OPCML: variants seen among roughly 807,000 people sequenced by gnomAD.
OPCML encodes the protein opioid-binding protein/cell adhesion molecule.
In OPCML, 13 loss-of-function variants were observed where a neutral mutation model predicts 37.8. That is an observed-to-expected ratio of 0.34 (90% CI 0.22 to 0.55). The LOEUF (loss-of-function observed/expected upper bound fraction) is 0.55. Among genes scored for constraint, OPCML ranks in the 20% least tolerant of loss-of-function variants. OPCML has a pLI of 0.91. For missense variants in OPCML, 341 were observed against 435.6 expected (o/e 0.78, Z 1.93); for synonymous variants, 176 against 168.8 (o/e 1.04, Z -0.33).
intron 1 of OPCML, among the ~76,000 whole-genome samples, chr11:133,219,698 G>A (rs1343371823): frequency 1.3e-5 from 2 of 152,124 alleles, no homozygotes; most frequent in South Asian, 2.1e-4. Context: ...CTTGACAGAG[G>A]AGCCCAGAAT....
intron 2 of OPCML, among the ~76,000 whole-genome samples, chr11:132,821,504 T>A (rs1039538202): frequency 6.6e-6 from 1 of 152,218 alleles, no homozygotes; most frequent in Non-Finnish European, 1.5e-5. Flanking sequence ...TTTAATGTGC[T>A]CTGATTCCCT....
At chr11:133,468,037 G>A (rs944658320) in intron 1 of OPCML, among the ~76,000 whole-genome samples, 2 of 152,190 alleles carry the variant, frequency 1.3e-5, no homozygotes, top group African/African-American at 4.8e-5. Flanking sequence ...AAGACTCCTA[G>A]TACCTGGCAA....
At chr11:133,110,680 G>T (rs1211561676) in intron 1 of OPCML, among the ~76,000 whole-genome samples, 4 of 152,112 alleles carry the variant, frequency 2.6e-5, no homozygotes, top group East Asian at 1.9e-4. Context: ...TGCTGCAGGG[G>T]CCCTAGCCTC....
chr11:133,114,674 A>G (rs1207793059), intron 1 of OPCML, among the ~76,000 whole-genome samples: 1 of 151,962 alleles, frequency 6.6e-6, no homozygotes, highest in African/African-American at 2.4e-5. Context: ...CATAAGATCC[A>G]GAAAGATAGA....
At chr11:133,088,716 A>G (rs981120383) in intron 1 of OPCML, among the ~76,000 whole-genome samples, 1 of 152,222 alleles carries the variant, frequency 6.6e-6, no homozygotes, top group African/African-American at 2.4e-5. Flanking sequence ...ATAGAATTAT[A>G]CAAGATATGC....
chr11:132,439,663 C>G (rs1249689548), intron 4 of OPCML, among the ~76,000 whole-genome samples: 1 of 148,910 alleles, frequency 6.7e-6, no homozygotes, highest in Admixed American at 6.7e-5. Context: ...ACAATGGAAT[C>G]AAACACATCA....
At chr11:132,911,765 G>A (rs1323096300) in intron 2 of OPCML, among the ~76,000 whole-genome samples, 1 of 152,112 alleles carries the variant, frequency 6.6e-6, no homozygotes, top group Non-Finnish European at 1.5e-5. Flanking sequence ...TCTCCATTTA[G>A]TCCAAAAATG....
At chr11:133,323,774 G>A (rs1010464162) in intron 1 of OPCML, among the ~76,000 whole-genome samples, 6 of 152,198 alleles carry the variant, frequency 3.9e-5, no homozygotes, top group African/African-American at 1.4e-4. Context: ...GAACGGAGTG[G>A]CCACTAAGGG....
Position 133,003,155 on chromosome 11 carries a change from G to C in OPCML, c.62-60145C>G, listed in dbSNP as rs556370253. 8.1e-4 allele frequency among the ~76,000 whole-genome samples: 123 copies of C among 152,340 alleles called. 1 individual carries two copies. In the South Asian group the frequency reaches 8.9e-3, roughly 11 times the overall value. ...TTGAGAAAATGTCATCAATGGTATT[G>C]TATCAGCTTCCTGTGGCTGCTATAA... On this transcript the variant is annotated intron_variant, in intron 1 of 7. Coordinates refer to ENST00000524381, the MANE Select transcript of OPCML (RefSeq NM_001012393.5).
rs918242713 is a variant in OPCML at position 132,595,102 on chromosome 11, T to C, written c.379+61985A>G. Among the ~76,000 whole-genome samples, 5 of 152,076 alleles carry C rather than the reference T, an allele frequency of 3.3e-5. No homozygotes were observed. In the South Asian group the frequency reaches 6.2e-4, roughly 19 times the overall value. ...CAGTGAATTTTGTCTCTCTGTGAAC[T>C]GAGAGACTGTTTTTGCTGGTGATGA... On this transcript the variant is annotated intron_variant, in intron 3 of 7. Transcript: ENST00000524381.
chr11:133,247,415 T>A (rs1456503742), intron 1 of OPCML, among the ~76,000 whole-genome samples: 1 of 152,208 alleles, frequency 6.6e-6, no homozygotes, highest in Non-Finnish European at 1.5e-5. Context: ...CTCCCTGTAC[T>A]GAGTTTACAA....
chr11:132,784,638 G>C (rs1947147225), intron 2 of OPCML, among the ~76,000 whole-genome samples: 1 of 152,088 alleles, frequency 6.6e-6, no homozygotes, highest in South Asian at 2.1e-4. Context: ...TTGGACGTGG[G>C]CCTGGTGCGA....
rs564789483 is a variant in OPCML, at chr11:133,261,571, G to A, written c.61+270693C>T. Among the ~76,000 whole-genome samples, 6 of 152,224 alleles carry A rather than the reference G, an allele frequency of 3.9e-5. 1 individual carries two copies. Among genetic ancestry groups the A allele is most frequent in the African/African-American group, 1.4e-4 (6 of 41,524 alleles). ...ATGGTCTGCATCCGTCTCTACCTTT[G>A]GAAGCGCTTTCACCCTAGTCCTGTC... On this transcript the variant is annotated intron_variant, in intron 1 of 7. Coordinates refer to ENST00000524381, the MANE Select transcript of OPCML (RefSeq NM_001012393.5).
intron 1 of OPCML, among the ~76,000 whole-genome samples, chr11:133,190,729 T>C (rs1013174977): frequency 6.6e-6 from 1 of 152,230 alleles, no homozygotes; most frequent in African/African-American, 2.4e-5. Context: ...AATAAAATTA[T>C]GCAAGAAATG....
intron 4 of OPCML, among the ~76,000 whole-genome samples, chr11:132,450,785 T>C (rs1325887529): frequency 6.6e-6 from 1 of 152,192 alleles, no homozygotes; most frequent in Non-Finnish European, 1.5e-5. Context: ...CACACTAGGC[T>C]CAGGAGTGAT....
chr11:133,202,242 C>T (rs1282929058), intron 1 of OPCML, among the ~76,000 whole-genome samples: 1 of 152,202 alleles, frequency 6.6e-6, no homozygotes. Flanking sequence ...CCCTCCTGCA[C>T]TAGGTTGGGT....
chr11:132,538,990 T>C (rs2137353531), intron 3 of OPCML, among the ~76,000 whole-genome samples: 1 of 152,322 alleles, frequency 6.6e-6, no homozygotes, highest in Non-Finnish European at 1.5e-5. Flanking sequence ...TACAGATAAA[T>C]GTATGTCTGT....
intron 1 of OPCML, among the ~76,000 whole-genome samples, chr11:133,172,190 T>C (rs897705666): frequency 1.3e-5 from 2 of 152,186 alleles, no homozygotes; most frequent in Admixed American, 6.5e-5. Context: ...AAGCACCTAC[T>C]CCTCAATCTA....
At chr11:132,769,076 T>C (rs114063526) in intron 2 of OPCML, among the ~76,000 whole-genome samples, 5,349 of 125,640 alleles carry the variant, frequency 0.043, 256 homozygotes, top group African/African-American at 0.13. Flanking sequence ...GAGGCTGCGC[T>C]GCTGAGGGGG....
Sources: gnomAD v4.1 joint callset for allele counts (sites outside exome capture counted in the v4.1 genomes callset) on GRCh38, gnomAD v4.1.1 for gene constraint, MANE v1.5 for transcripts, NCBI Gene and HGNC (gene_info 2026-07-23, HGNC 2026-07-21) for gene names.